The following DYNC1I2 variants were observed in gnomAD, a reference collection of about 807,000 sequenced individuals.
DYNC1I2 encodes the protein cytoplasmic dynein 1 intermediate chain 2.
A neutral mutation model predicts 88.6 loss-of-function variants in DYNC1I2; 53 were observed. That is an observed-to-expected ratio of 0.60 (90% CI 0.48 to 0.75). The LOEUF is 0.75. Among genes scored for constraint, DYNC1I2 ranks in the 30% least tolerant of loss-of-function variants. The probability of loss-of-function intolerance (pLI) is 0.00; values close to 1 mark genes in which losing one functional copy is unlikely to be tolerated. For missense variants in DYNC1I2, 458 were observed against 766.6 expected (o/e 0.60, Z 4.75); for synonymous variants, 198 against 254.6 (o/e 0.78, Z 2.12).
intron 15 of DYNC1I2, among the ~76,000 whole-genome samples, chr2:171,732,325 A>G (rs1168490681): frequency 6.6e-6 from 1 of 152,256 alleles, no homozygotes; most frequent in Non-Finnish European, 1.5e-5. Flanking sequence ...GTGCCATTGC[A>G]CTACAGCCTG....
At chr2:171,711,699 G>A (rs1008217400) in intron 5 of DYNC1I2, among the ~76,000 whole-genome samples, 27 of 152,002 alleles carry the variant, frequency 1.8e-4, no homozygotes, top group African/African-American at 5.8e-4. Flanking sequence ...TTTAAATGAA[G>A]GATTTCTCTA....
chr2:171,746,017 TTA>T, intron 17 of DYNC1I2, 90 bp downstream of exon 17: 1 of 1,411,730 alleles, frequency 7.1e-7, no homozygotes, highest in Non-Finnish European at 9.8e-7. Flanking sequence ...GCTTTGAGGT[TTA>T]TGAGTTGTTT....
intron 3 of DYNC1I2, among the ~76,000 whole-genome samples, chr2:171,697,609 A>G (rs1685873473): frequency 1.3e-5 from 2 of 151,564 alleles, no homozygotes; most frequent in South Asian, 4.2e-4. Context: ...GATATTTGGG[A>G]GGCTGAGGTA....
At chr2:171,727,742 C>T (rs944524111) in intron 11 of DYNC1I2, 79 bp from the exon 12 acceptor site, 39 of 1,335,914 alleles carry the variant, frequency 2.9e-5, no homozygotes, top group South Asian at 2.0e-4. Flanking sequence ...AGAAATGTTT[C>T]GGATAATAGA....
rs35175731 is a variant in DYNC1I2 at position 171,725,601 on chromosome 2, T to TGG, written c.512-17_512-16insGG. On this transcript the variant is annotated splice_polypyrimidine_tract_variant and intron_variant, in intron 7 of 17. Coordinates refer to ENST00000397119, the MANE Select transcript of DYNC1I2 (RefSeq NM_001378.3). ...CTGTTTTTTTGTTTTTTTGTTTGTT[T>TGG]TTTTTTTTTTTTTCAGATGAAGAGG... The TGG allele has an allele frequency of 3.9e-6, 5 of 1,281,340 alleles. No homozygotes were observed. Among genetic ancestry groups the TGG allele is most frequent in the African/African-American group, 3.2e-5 (2 of 62,834 alleles). The allele number at this position is 1,281,340 out of a possible 1,614,324, so 79.4% of individuals were successfully genotyped here. A position where few individuals can be genotyped will look rare whatever the true frequency, so the allele number is the denominator to read the frequency against.
chr2:171,737,875 G>A (rs1574628086), intron 15 of DYNC1I2, among the ~76,000 whole-genome samples: 1 of 151,858 alleles, frequency 6.6e-6, no homozygotes, highest in African/African-American at 2.4e-5. Context: ...ATCATGTCAC[G>A]GGGGTTTGTT....
At chr2:171,730,383 GTTA>G (rs1688528136) in intron 15 of DYNC1I2, among the ~76,000 whole-genome samples, 1 of 152,100 alleles carries the variant, frequency 6.6e-6, no homozygotes, top group South Asian at 2.1e-4. Context: ...TATATTTTTT[GTTA>G]TTCTATGATA....
At chr2:171,719,258 T>C (rs984202662) in intron 7 of DYNC1I2, among the ~76,000 whole-genome samples, 1 of 152,184 alleles carries the variant, frequency 6.6e-6, no homozygotes, top group African/African-American at 2.4e-5. Flanking sequence ...GGCAGTATCC[T>C]TTGGGGGAAA....
At chr2:171,691,493 A>G (rs1685402043) in intron 2 of DYNC1I2, among the ~76,000 whole-genome samples, 2 of 152,362 alleles carry the variant, frequency 1.3e-5, no homozygotes, top group South Asian at 4.1e-4. Context: ...AAAAATAAGT[A>G]GTAGAAAAGT....
At chr2:171,745,655 A>C in intron 16 of DYNC1I2, 147 bp from the exon 17 acceptor site, 1 of 810,424 alleles carries the variant, frequency 1.2e-6, no homozygotes, top group Non-Finnish European at 1.9e-6. Context: ...TATATCACTG[A>C]AGAAGAAGAA....
At chr2:171,708,963 G>A (rs1237417623) in intron 5 of DYNC1I2, among the ~76,000 whole-genome samples, 5 of 152,058 alleles carry the variant, frequency 3.3e-5, no homozygotes, top group Non-Finnish European at 7.4e-5. Flanking sequence ...AACGTGCTGG[G>A]ATTATAGGCA....
At chr2:171,718,954 G>A (rs1449478752) in intron 7 of DYNC1I2, among the ~76,000 whole-genome samples, 1 of 152,140 alleles carries the variant, frequency 6.6e-6, no homozygotes, top group African/African-American at 2.4e-5. Context: ...AACCAAATAT[G>A]ACTGATTCTA....
At chr2:171,691,239 G>A (rs924307115) in intron 2 of DYNC1I2, among the ~76,000 whole-genome samples, 10 of 152,132 alleles carry the variant, frequency 6.6e-5, no homozygotes, top group African/African-American at 2.2e-4. Flanking sequence ...TCAAAAATAT[G>A]CATCACATTA....
In DYNC1I2 at chr2:171,726,839, C is replaced by A; in HGVS notation, c.919C>A (p.His307Asn). 1 of 1,613,246 alleles carries A rather than the reference C, an allele frequency of 6.2e-7. No individual in the cohort carries two copies. Among genetic ancestry groups the A allele is most frequent in the South Asian group, 1.1e-5 (1 of 91,052 alleles). The stretch of plus-strand genomic sequence containing the variant: ...CTATAACAACAATGAAGATGCCCCT[C>A]ATGAGCCTGATGGTGTGGCCCTTGT... ...ASYNNNEDAP[H>N]EPDGVALVWN... The change falls in exon 11 of 18, where the codon CAT becomes AAT. Residue 307 changes from histidine (H) to asparagine (N), a missense_variant. Physicochemically the swap from His to Asn is moderately conservative, Grantham distance 68. Transcript: ENST00000397119.
chr2:171,711,875 CT>C (rs1369919463), intron 5 of DYNC1I2, among the ~76,000 whole-genome samples: 1 of 152,088 alleles, frequency 6.6e-6, no homozygotes, highest in Non-Finnish European at 1.5e-5. Flanking sequence ...TTGTGCTTAA[CT>C]TTATTTAGTG....
At chr2:171,745,519 C>CA (rs1389799441) in intron 16 of DYNC1I2, among the ~76,000 whole-genome samples, 6 of 151,964 alleles carry the variant, frequency 3.9e-5, no homozygotes, top group Non-Finnish European at 7.4e-5. Flanking sequence ...ATTAAAACAA[C>CA]AAAAAAGGAT....
chr2:171,700,750 G>A (rs1025275469), intron 3 of DYNC1I2, among the ~76,000 whole-genome samples: 1 of 152,128 alleles, frequency 6.6e-6, no homozygotes, highest in Non-Finnish European at 1.5e-5. Context: ...TCCTGCCTCA[G>A]CATCCAAAGT....
At chr2:171,690,637 AT>A (rs1041653133) in intron 2 of DYNC1I2, among the ~76,000 whole-genome samples, 2 of 141,810 alleles carry the variant, frequency 1.4e-5, no homozygotes. Flanking sequence ...GCGCATCTGT[AT>A]TTTTTTTTGT....
At chr2:171,704,334 TTTTTTTTTTTTC>T (rs1686504888) in intron 3 of DYNC1I2, among the ~76,000 whole-genome samples, 2 of 141,328 alleles carry the variant, frequency 1.4e-5, no homozygotes, top group Non-Finnish European at 3.1e-5. Flanking sequence ...TGGTTTAGCT[TTTTTTTTTTTTC>T]TTTTTTTTTT....
Sources: gnomAD v4.1 joint callset for allele counts (sites outside exome capture counted in the v4.1 genomes callset) on GRCh38, gnomAD v4.1.1 for gene constraint, MANE v1.5 for transcripts, NCBI Gene and HGNC (gene_info 2026-07-23, HGNC 2026-07-21) for gene names.